The following EIF4E2 variants were observed in gnomAD, a reference collection of about 807,000 sequenced individuals.
The protein encoded by EIF4E2 is eukaryotic translation initiation factor 4E family member 2, also known as eukaryotic translation initiation factor 4E type 2.
In EIF4E2, 13 loss-of-function variants were observed where a neutral mutation model predicts 34.2. The ratio of observed to expected loss-of-function variants is 0.38; its 90% CI spans 0.25 to 0.60. The LOEUF (loss-of-function observed/expected upper bound fraction) is 0.60. Among genes scored for constraint, EIF4E2 ranks in the 20% least tolerant of loss-of-function variants. The probability of loss-of-function intolerance (pLI) is 0.62; values close to 1 mark genes in which losing one functional copy is unlikely to be tolerated. For synonymous variants in EIF4E2, 100 were observed against 106.6 expected (o/e 0.94, Z 0.38); for missense variants, 222 against 315.1 (o/e 0.70, Z 2.24).
chr2:232,575,784 C>T (rs1018640356), intron 6 of EIF4E2, among the ~76,000 whole-genome samples: 3 of 152,166 alleles, frequency 2.0e-5, no homozygotes, highest in Non-Finnish European at 4.4e-5. Context: ...GTTAAATTTT[C>T]AGAAGCCAGG....
rs184566936 is a variant in EIF4E2 at position 232,562,027 on chromosome 2, A to G, written c.271-2220A>G. On this transcript the variant is annotated intron_variant, in intron 3 of 6. Coordinates refer to ENST00000258416, the MANE Select transcript of EIF4E2 (RefSeq NM_004846.4). ...TCCAGGACTTCAAGACCAGCCTGGC[A>G]ACAGTGTTAGACTTCATCTCTACAA... 1.9e-4 allele frequency among the ~76,000 whole-genome samples: 29 copies of G among 151,024 alleles called. 1 individual carries two copies. Among genetic ancestry groups the G allele is most frequent in the Middle Eastern group, 3.4e-3 (1 of 292 alleles).
In EIF4E2 at chr2:232,564,287, C is replaced by T; in HGVS notation, c.311C>T (p.Pro104Leu). 6.3e-7 allele frequency: 1 copy of T among 1,599,612 alleles called. No homozygotes were observed. The highest frequency in any genetic ancestry group is 8.5e-7 in the Non-Finnish European group (1 of 1,172,010). The change falls in exon 4 of 7, where the codon CCT (proline) becomes CTT (leucine). Residue 104 changes from proline to leucine, a missense_variant. Coordinates refer to ENST00000258416, the MANE Select transcript of EIF4E2 (RefSeq NM_004846.4). ...FWRFYSHMVR[P>L]GDLTGHSDFH... ...AGGTTTTATAGCCACATGGTACGTC[C>T]TGGGGACCTGACAGGCCACAGTGAC...
chr2:232,568,573 A>G, intron 6 of EIF4E2: 6 of 985,464 alleles, frequency 6.1e-6, no homozygotes, highest in Non-Finnish European at 7.2e-6. Flanking sequence ...GTTTCTGAAT[A>G]TCCCCTACTC....
chr2:232,558,149 G>T, intron 3 of EIF4E2, 131 bp downstream of exon 3: 1 of 1,232,460 alleles, frequency 8.1e-7, no homozygotes. Flanking sequence ...CTGAGTCTCC[G>T]GAGTCAGATT....
chr2:232,570,146 G>A (rs1350433659), downstream of EIF4E2, among the ~76,000 whole-genome samples: 1 of 152,136 alleles, frequency 6.6e-6, no homozygotes, highest in Non-Finnish European at 1.5e-5. Flanking sequence ...GTTCCACTTT[G>A]GCAGTGATAC....
chr2:232,577,113 T>C (rs970813876), intron 6 of EIF4E2, among the ~76,000 whole-genome samples: 1 of 152,248 alleles, frequency 6.6e-6, no homozygotes, highest in African/African-American at 2.4e-5. Context: ...GCAGTGAGTC[T>C]GTATTGTTGG....
chr2:232,555,689 C>G (rs934526126), intron 1 of EIF4E2, among the ~76,000 whole-genome samples: 1 of 152,090 alleles, frequency 6.6e-6, no homozygotes, highest in Non-Finnish European at 1.5e-5. Flanking sequence ...AATGGTGTGA[C>G]AGACCGAAGG....
At chr2:232,580,511 C>T (rs917654692) in intron 6 of EIF4E2, among the ~76,000 whole-genome samples, 1 of 152,188 alleles carries the variant, frequency 6.6e-6, no homozygotes, top group Admixed American at 6.5e-5. Flanking sequence ...AACCTTGTTT[C>T]CCTACCCCCA....
At chr2:232,576,056 T>G (rs2106256078) in intron 6 of EIF4E2, among the ~76,000 whole-genome samples, 1 of 152,162 alleles carries the variant, frequency 6.6e-6, no homozygotes, top group East Asian at 1.9e-4. Flanking sequence ...ATACAAAAAT[T>G]AGCTGGGCGT....
chr2:232,551,543 C>A lies in EIF4E2; in HGVS notation c.20+799C>A, dbSNP rs567457165. 3.9e-5 allele frequency among the ~76,000 whole-genome samples: 6 copies of A among 152,234 alleles called. No homozygotes were observed. The East Asian group carries it at 1.2e-3, about 29-fold the overall frequency. On this transcript the variant is annotated intron_variant, in intron 1 of 6. Coordinates refer to ENST00000258416, the MANE Select transcript of EIF4E2 (RefSeq NM_004846.4). Reference sequence around the variant, plus strand: ...TCATCCGAAAACCTGGATTTCTAGTCCCAGATTCACCACTTACCATCTGTT... The same window carrying A: ...TCATCCGAAAACCTGGATTTCTAGTACCAGATTCACCACTTACCATCTGTT...
intron 4 of EIF4E2, 61 bp downstream of exon 4, chr2:232,564,412 C>G: frequency 1.1e-6 from 1 of 899,088 alleles, no homozygotes; most frequent in Non-Finnish European, 1.7e-6. Flanking sequence ...TGTTTTGTCT[C>G]TTAGCCCTGC....
At chr2:232,567,343 C>T in intron 6 of EIF4E2, 129 bp downstream of exon 6, 1 of 1,484,498 alleles carries the variant, frequency 6.7e-7, no homozygotes. Context: ...GGCCTTCCCT[C>T]TAGGGCTTCT....
chr2:232,580,611 C>A (rs1188709309), intron 6 of EIF4E2, among the ~76,000 whole-genome samples: 1 of 152,230 alleles, frequency 6.6e-6, no homozygotes, highest in Non-Finnish European at 1.5e-5. Context: ...TAGAGAGCTT[C>A]CTTGTTTTAT....
chr2:232,565,633 CA>C (rs1170095372), intron 4 of EIF4E2, among the ~76,000 whole-genome samples: 4 of 149,908 alleles, frequency 2.7e-5, no homozygotes, highest in Non-Finnish European at 5.9e-5. Context: ...GACTCCATCT[CA>C]AAAAAAGAAA....
At chr2:232,571,801 CA>C (rs1693098091), downstream of EIF4E2, among the ~76,000 whole-genome samples, 1 of 152,206 alleles carries the variant, frequency 6.6e-6, no homozygotes, top group Admixed American at 6.5e-5. Flanking sequence ...CAGGTTACCC[CA>C]GCTTAATTGC....
chr2:232,550,831 C>T, intron 1 of EIF4E2, 87 bp downstream of exon 1: 2 of 1,292,256 alleles, frequency 1.5e-6, no homozygotes, highest in South Asian at 1.4e-5. Context: ...GGCGCAAACC[C>T]TGCGGCACCG....
At chr2:232,551,040 T>G in intron 1 of EIF4E2, 1 of 610,980 alleles carries the variant, frequency 1.6e-6, no homozygotes, top group Admixed American at 2.5e-5. Context: ...TGGATGCGGA[T>G]TGCCTGCGAC....
intron 4 of EIF4E2, among the ~76,000 whole-genome samples, chr2:232,565,223 C>G (rs1197477809): frequency 1.3e-5 from 2 of 152,258 alleles, no homozygotes; most frequent in African/African-American, 2.4e-5. Context: ...CCCATCATCT[C>G]TAAATCTTCC....
chr2:232,568,888 C>T, intron 6 of EIF4E2, 57 bp from the exon 7 acceptor site: 1 of 1,610,692 alleles, frequency 6.2e-7, no homozygotes, highest in Non-Finnish European at 8.5e-7. Flanking sequence ...TGCTACTTTC[C>T]CTTGCGTCCC....
Sources: gnomAD v4.1 joint callset for allele counts (sites outside exome capture counted in the v4.1 genomes callset) on GRCh38, gnomAD v4.1.1 for gene constraint, MANE v1.5 for transcripts, NCBI Gene and HGNC (gene_info 2026-07-23, HGNC 2026-07-21) for gene names.